The following ARFGEF2 variants were observed in gnomAD, a reference collection of about 807,000 sequenced individuals.
ARFGEF2 encodes ARF guanine nucleotide exchange factor 2, also known as brefeldin A-inhibited guanine nucleotide-exchange protein 2.
A neutral mutation model predicts 219.9 loss-of-function variants in ARFGEF2; 74 were observed. That is an observed-to-expected ratio of 0.34 (90% CI 0.28 to 0.41). The LOEUF (loss-of-function observed/expected upper bound fraction) is 0.41, where lower values mean the gene tolerates loss of function less well. Ranked by LOEUF, ARFGEF2 falls within the 10% of genes least tolerant of loss-of-function variation. The pLI is 1.00. For synonymous variants in ARFGEF2, 733 were observed against 799.2 expected, an observed-to-expected ratio of 0.92 and a Z score of 1.40; for missense variants, 1,743 against 2,218.3, an observed-to-expected ratio of 0.79 and a Z score of 4.30.
chr20:49,006,358 C>T (rs1204641522), intron 26 of ARFGEF2, among the ~76,000 whole-genome samples: 4 of 152,058 alleles, frequency 2.6e-5, no homozygotes, highest in Admixed American at 2.0e-4. Context: ...TAAATAGTTG[C>T]ACCTGGGTGT....
chr20:49,005,297 C>T, intron 26 of ARFGEF2, 76 bp downstream of exon 26: 5 of 1,570,556 alleles, frequency 3.2e-6, no homozygotes, highest in South Asian at 1.1e-5. Flanking sequence ...ACACTAACCA[C>T]ATGATTAATT....
At chr20:48,989,898 G>C (rs1600637839) in intron 20 of ARFGEF2, among the ~76,000 whole-genome samples, 2 of 152,322 alleles carry the variant, frequency 1.3e-5, no homozygotes, top group East Asian at 3.9e-4. Context: ...AGAATGGGTA[G>C]GCTGGGCACA....
At chr20:48,958,470 T>C (rs1181875993) in intron 6 of ARFGEF2, among the ~76,000 whole-genome samples, 1 of 151,122 alleles carries the variant, frequency 6.6e-6, no homozygotes, top group Non-Finnish European at 1.5e-5. Context: ...GGAGTCTCGC[T>C]CTGTCGCCCA....
chr20:48,932,917 G>A lies in ARFGEF2; in HGVS notation c.122-8282G>A, dbSNP rs1372364501. Among the ~76,000 whole-genome samples, 3 of 152,282 alleles carry A rather than the reference G, an allele frequency of 2.0e-5. No homozygotes were observed. In the East Asian group the frequency reaches 5.8e-4, roughly 29 times the overall value. ...AAGCCTGCGACAGATAGAAGTCTGA[G>A]GAGTGTGGAAGGGTTACTGTGGGAT... On this transcript the variant is annotated intron_variant, in intron 1 of 38. Transcript: ENST00000371917.
chr20:48,995,913 C>G (rs750460061), intron 23 of ARFGEF2, 31 bp downstream of exon 23: 70 of 1,593,536 alleles, frequency 4.4e-5, no homozygotes, highest in Non-Finnish European at 5.6e-5. Context: ...TGACCCTGAA[C>G]TACACAGTGG....
At chr20:48,958,696 C>T (rs1011509149) in intron 6 of ARFGEF2, among the ~76,000 whole-genome samples, 1 of 152,252 alleles carries the variant, frequency 6.6e-6, no homozygotes, top group East Asian at 1.9e-4. Flanking sequence ...CCCACCTCGG[C>T]TTCCCAAAGT....
intron 1 of ARFGEF2, among the ~76,000 whole-genome samples, chr20:48,936,985 A>G (rs757520433): frequency 2.2e-4 from 34 of 152,216 alleles, no homozygotes; most frequent in Admixed American, 3.9e-4. Context: ...AAAAGATTGC[A>G]TTATCCAGAT....
At chr20:49,029,083 G>A (rs1318453617) in intron 37 of ARFGEF2, among the ~76,000 whole-genome samples, 1 of 152,226 alleles carries the variant, frequency 6.6e-6, no homozygotes, top group Non-Finnish European at 1.5e-5. Flanking sequence ...TCCAAGAAGA[G>A]TGTAATTGAA....
intron 1 of ARFGEF2, among the ~76,000 whole-genome samples, chr20:48,925,550 C>G (rs2090871388): frequency 2.6e-5 from 4 of 152,242 alleles, no homozygotes; most frequent in Middle Eastern, 3.4e-3. Context: ...AAAAATTTAT[C>G]TATGGCTGGG....
chr20:49,011,305 T>G (rs956231206), intron 27 of ARFGEF2, among the ~76,000 whole-genome samples: 1 of 152,208 alleles, frequency 6.6e-6, no homozygotes, highest in African/African-American at 2.4e-5. Flanking sequence ...TCTCCATATT[T>G]TCCCTAAGAG....
chr20:48,922,108 C>T (rs2090845590), intron 1 of ARFGEF2, 98 bp downstream of exon 1: 15 of 1,469,378 alleles, frequency 1.0e-5, no homozygotes, highest in South Asian at 5.1e-5. Context: ...GCCTCCGCTT[C>T]CCCCCGATCC....
intron 34 of ARFGEF2, among the ~76,000 whole-genome samples, 181 bp downstream of exon 34, chr20:49,019,179 T>G (rs553055600): frequency 8.5e-5 from 13 of 152,348 alleles, no homozygotes; most frequent in Admixed American, 4.6e-4. Flanking sequence ...TTTATCCATG[T>G]GCAGGCAAGT....
chr20:48,951,451 T>C lies in ARFGEF2; in HGVS notation c.405T>C (p.Val135=). The change falls in exon 4 of 39, where the codon GTT becomes GTC. Residue 135 remains valine (V), a synonymous_variant. Coordinates refer to ENST00000371917, the MANE Select transcript of ARFGEF2 (RefSeq NM_006420.3). The part of the protein sequence containing the change: ...CFQGPQTDEG[V]QLQIIKALLT... ...AGGGCCCTCAGACTGATGAAGGGGT[T>C]CAGTTACAAATAATTAAGGTATGCC... 1 of 1,614,208 alleles carries C rather than the reference T, an allele frequency of 6.2e-7. No individual in the cohort carries two copies. Among genetic ancestry groups the C allele is most frequent in the Non-Finnish European group, 8.5e-7 (1 of 1,180,030 alleles).
rs58144046 is a variant in ARFGEF2, at chr20:48,942,473, G to GTTTT, written c.276+510_276+513dup. On this transcript the variant is annotated intron_variant, in intron 3 of 38. Transcript: ENST00000371917. ...TGGCTCAGCCTTTCTTTCTTACTTG[G>GTTTT]TTTTTTTTTTTTTTTTTTTTTTTTT... 5.4e-5 allele frequency among the ~76,000 whole-genome samples: 4 copies of GTTTT among 73,510 alleles called. 1 individual carries two copies. Among genetic ancestry groups the GTTTT allele is most frequent in the Non-Finnish European group, 4.8e-5 (2 of 41,630 alleles). 48.2% of individuals were successfully genotyped at this position (73,510 alleles called of 152,430 possible).
chr20:49,025,786 A>G (rs915117526), intron 36 of ARFGEF2, among the ~76,000 whole-genome samples: 1 of 152,060 alleles, frequency 6.6e-6, no homozygotes, highest in African/African-American at 2.4e-5. Context: ...GTTCGAGACC[A>G]GCCTGGCCAA....
At position 48,972,384 on chromosome 20, in the gene ARFGEF2, A is replaced by C; in HGVS notation, c.1484A>C (p.His495Pro). 6.2e-7 allele frequency: 1 copy of C among 1,614,196 alleles called. No homozygotes were observed. The highest frequency in any genetic ancestry group is 8.5e-7 in the Non-Finnish European group (1 of 1,180,016). ...ILETSTSSFE[H>P]RWMVIQTLTR... ...GAAACATCAACAAGTTCTTTTGAGC[A>C]CAGGTGGATGGTCATTCAGACTCTG... Residue 495 changes from histidine (H) to proline (P), a missense_variant, in exon 11 of 39, where the codon CAC becomes CCC. Coordinates refer to ENST00000371917, the MANE Select transcript of ARFGEF2 (RefSeq NM_006420.3).
rs71337478 is a variant in ARFGEF2, at chr20:48,963,175, C to CA, written c.839-641dup. Among the ~76,000 whole-genome samples, 173 of 110,732 alleles carry CA rather than the reference C, an allele frequency of 1.6e-3. 6 individuals are homozygous for CA. Among genetic ancestry groups the CA allele is most frequent in the South Asian group, 2.1e-3 (7 of 3,298 alleles). 72.6% of individuals were successfully genotyped at this position (110,732 alleles called of 152,430 possible). ...TGGGCAAGACAGCAAAACTCTGTCT[C>CA]AAAAAAAAAAAAAAGTAATGTTTAC... On this transcript the variant is annotated intron_variant, in intron 6 of 38. Transcript: ENST00000371917.
rs1194272217 is a variant in ARFGEF2 at position 49,013,647 on chromosome 20, C to T, written c.4002C>T (p.Phe1334=). 9.9e-6 allele frequency: 16 copies of T among 1,614,132 alleles called. No individual in the cohort carries two copies. The highest frequency in any genetic ancestry group is 1.6e-4 in the Middle Eastern group (1 of 6,062). The stretch of plus-strand genomic sequence containing the variant: ...TCCGAGGCTGGTTCCCCATCTTATT[C>T]GAACTCTCCTGCATCATTAATAGAT... ...VWVRGWFPIL[F]ELSCIINRCK... Residue 1334 remains phenylalanine (F), a synonymous_variant, in exon 29 of 39, where the codon TTC becomes TTT. Coordinates refer to ENST00000371917, the MANE Select transcript of ARFGEF2 (RefSeq NM_006420.3).
rs71184245 is a variant in ARFGEF2 at position 48,950,811 on chromosome 20, A to AATAT, written c.277-479_277-476dup. ...ACCCTGTCTAAAAAAAAAAAAAAAA[A>AATAT]ATATATATATATATATATATATATA... On this transcript the variant is annotated intron_variant, in intron 3 of 38. Transcript: ENST00000371917. Among the ~76,000 whole-genome samples, 85 of 64,494 alleles carry AATAT rather than the reference A, an allele frequency of 1.3e-3. 2 individuals carry two copies. The highest frequency in any genetic ancestry group is 3.4e-3 in the East Asian group (7 of 2,036). The allele number at this position is 64,494 out of a possible 152,430, so 42.3% of individuals were successfully genotyped here. A position where few individuals can be genotyped will look rare whatever the true frequency, so the allele number is the denominator to read the frequency against.
Sources: gnomAD v4.1 joint callset for allele counts (sites outside exome capture counted in the v4.1 genomes callset) on GRCh38, gnomAD v4.1.1 for gene constraint, MANE v1.5 for transcripts, NCBI Gene and HGNC (gene_info 2026-07-23, HGNC 2026-07-21) for gene names.